SYNDIG1: variants seen among roughly 807,000 people sequenced by gnomAD.
The protein encoded by SYNDIG1 is synapse differentiation-inducing gene protein 1.
In SYNDIG1, 9 loss-of-function variants were observed where a neutral mutation model predicts 19.4. The ratio of observed to expected loss-of-function variants is 0.46; its 90% CI spans 0.28 to 0.81. The LOEUF (loss-of-function observed/expected upper bound fraction) is 0.81, where lower values mean the gene tolerates loss of function less well. Ranked by LOEUF, SYNDIG1 falls within the 30% of genes least tolerant of loss-of-function variation. The pLI is 0.12. For synonymous variants in SYNDIG1, 141 were observed against 145.9 expected, an observed-to-expected ratio of 0.97 and a Z score of 0.24; for missense variants, 311 against 343.3, an observed-to-expected ratio of 0.91 and a Z score of 0.74.
At chr20:24,615,508 G>A (rs890853446) in intron 3 of SYNDIG1, among the ~76,000 whole-genome samples, 18 of 152,236 alleles carry the variant, frequency 1.2e-4, no homozygotes, top group Non-Finnish European at 2.6e-4. Context: ...GGCTTTGCGG[G>A]AGCCTGGGAG....
At chr20:24,614,378 A>G (rs1165637730) in intron 3 of SYNDIG1, among the ~76,000 whole-genome samples, 2 of 152,332 alleles carry the variant, frequency 1.3e-5, no homozygotes, top group South Asian at 4.1e-4. Context: ...AGGGAATACA[A>G]TAAATATACT....
At chr20:24,624,554 A>C (rs2059091970) in intron 3 of SYNDIG1, among the ~76,000 whole-genome samples, 2 of 152,114 alleles carry the variant, frequency 1.3e-5, no homozygotes, top group African/African-American at 4.8e-5. Context: ...TGAGGCAAAA[A>C]CTGATAGAAA....
intron 1 of SYNDIG1, among the ~76,000 whole-genome samples, chr20:24,473,542 C>A (rs1419025348): frequency 6.6e-6 from 1 of 152,140 alleles, no homozygotes; most frequent in African/African-American, 2.4e-5. Context: ...CGGGCACCAG[C>A]TATGATTCAG....
At chr20:24,490,236 A>G (rs1326410667) in intron 1 of SYNDIG1, among the ~76,000 whole-genome samples, 1 of 152,230 alleles carries the variant, frequency 6.6e-6, no homozygotes, top group African/African-American at 2.4e-5. Flanking sequence ...GAACACGCAG[A>G]TCACAGTTCC....
chr20:24,616,817 A>G (rs889460455), intron 3 of SYNDIG1, among the ~76,000 whole-genome samples: 2 of 152,130 alleles, frequency 1.3e-5, no homozygotes, highest in Admixed American at 6.5e-5. Context: ...CTCATAAGGT[A>G]TGCACTTCCC....
chr20:24,600,609 T>TC (rs2058665246), intron 3 of SYNDIG1, among the ~76,000 whole-genome samples: 1 of 149,088 alleles, frequency 6.7e-6, no homozygotes, highest in East Asian at 1.9e-4. Flanking sequence ...TTCTTTCTTT[T>TC]TTTTTTTTTT....
At chr20:24,471,371 C>G (rs1458085334) in intron 1 of SYNDIG1, among the ~76,000 whole-genome samples, 2 of 151,980 alleles carry the variant, frequency 1.3e-5, no homozygotes, top group South Asian at 4.2e-4. Context: ...AGTTGAATTG[C>G]GTGCTCTGTG....
At chr20:24,631,728 C>A (rs773031098) in intron 3 of SYNDIG1, among the ~76,000 whole-genome samples, 30 of 152,128 alleles carry the variant, frequency 2.0e-4, no homozygotes, top group South Asian at 4.1e-4. Context: ...GAGGACCTTT[C>A]TTGATTTATA....
intron 2 of SYNDIG1, among the ~76,000 whole-genome samples, chr20:24,579,250 C>T (rs1600671822): frequency 6.6e-6 from 1 of 152,168 alleles, no homozygotes. Context: ...ATGGCAGATG[C>T]TGGGCCCTTA....
chr20:24,503,649 T>C (rs371859405), intron 1 of SYNDIG1, among the ~76,000 whole-genome samples: 79 of 151,216 alleles, frequency 5.2e-4, no homozygotes, highest in African/African-American at 1.9e-3. Flanking sequence ...CCACTGCTCT[T>C]ATCTGCAGAA....
Position 24,596,252 on chromosome 20 carries a change from A to G in SYNDIG1, c.618+11259A>G, listed in dbSNP as rs573618787. On this transcript the variant is annotated intron_variant, in intron 3 of 3. Coordinates refer to ENST00000376862, the MANE Select transcript of SYNDIG1 (RefSeq NM_024893.3). ...CAGGAGCAGGTTGTTTAATTTCCAT[A>G]TAAGTGTATGGTTTTAAGTGATTTT... 6.6e-5 allele frequency among the ~76,000 whole-genome samples: 10 copies of G among 152,310 alleles called. No individual in the cohort carries two copies. In the South Asian group the frequency reaches 1.5e-3, roughly 22 times the overall value.
intron 1 of SYNDIG1, among the ~76,000 whole-genome samples, chr20:24,511,773 T>C (rs2056748131): frequency 1.3e-5 from 2 of 152,272 alleles, no homozygotes; most frequent in African/African-American, 4.8e-5. Context: ...ACATGCTTTA[T>C]TGCAGGAAGT....
intron 2 of SYNDIG1, among the ~76,000 whole-genome samples, chr20:24,573,155 A>G (rs1332687471): frequency 6.6e-6 from 1 of 152,230 alleles, no homozygotes; most frequent in Non-Finnish European, 1.5e-5. Context: ...GAGAATTACC[A>G]TGCAAGCAAC....
intron 1 of SYNDIG1, among the ~76,000 whole-genome samples, chr20:24,504,106 C>T (rs1265629058): frequency 1.3e-5 from 2 of 152,092 alleles, no homozygotes; most frequent in East Asian, 3.9e-4. Context: ...ACTACAGGCA[C>T]CTGCCACCAC....
chr20:24,591,271 G>A (rs1035723106), intron 3 of SYNDIG1, among the ~76,000 whole-genome samples: 3 of 152,056 alleles, frequency 2.0e-5, no homozygotes, highest in East Asian at 1.9e-4. Flanking sequence ...GCTCATGCCT[G>A]TGGTCACAGC....
At chr20:24,499,787 C>T (rs993388706) in intron 1 of SYNDIG1, among the ~76,000 whole-genome samples, 12 of 152,148 alleles carry the variant, frequency 7.9e-5, no homozygotes, top group Non-Finnish European at 1.5e-4. Context: ...GGAGTGAACA[C>T]GCTCCCATCA....
At chr20:24,506,294 A>G (rs1172425595) in intron 1 of SYNDIG1, among the ~76,000 whole-genome samples, 1 of 152,258 alleles carries the variant, frequency 6.6e-6, no homozygotes, top group Non-Finnish European at 1.5e-5. Flanking sequence ...TGAAACCTCT[A>G]TCTAACTATG....
At chr20:24,507,189 C>T (rs2056613969) in intron 1 of SYNDIG1, among the ~76,000 whole-genome samples, 1 of 152,152 alleles carries the variant, frequency 6.6e-6, no homozygotes, top group African/African-American at 2.4e-5. Flanking sequence ...CACCTCTGTC[C>T]ATTAAGGCTG....
At position 24,624,188 on chromosome 20, in the gene SYNDIG1, G is replaced by A. The variant is rs181290175; in HGVS notation, c.618+39195G>A. ...GAAGAATGGCATGAACCCGGGAGGT[G>A]GAGCTTGCAATGAGCCGAGATCCTG... On this transcript the variant is annotated intron_variant, in intron 3 of 3. Coordinates refer to ENST00000376862, the MANE Select transcript of SYNDIG1 (RefSeq NM_024893.3). 8.4e-4 allele frequency among the ~76,000 whole-genome samples: 127 copies of A among 150,900 alleles called. 2 individuals carry two copies. The highest frequency in any genetic ancestry group is 3.0e-3 in the African/African-American group (122 of 41,018).
Sources: allele counts gnomAD v4.1 joint callset (sites outside exome capture counted in the v4.1 genomes callset), GRCh38; gene constraint gnomAD v4.1.1; transcripts MANE v1.5; gene names NCBI Gene and HGNC (gene_info 2026-07-23, HGNC 2026-07-21).